The following VPS13D variants were observed in gnomAD, a reference collection of about 807,000 sequenced individuals.
The protein encoded by VPS13D is intermembrane lipid transfer protein VPS13D.
Under a neutral mutation model 461.9 loss-of-function variants are expected in VPS13D, and 187 were observed. The ratio of observed to expected loss-of-function variants is 0.40; its 90% CI spans 0.36 to 0.46. The LOEUF (loss-of-function observed/expected upper bound fraction) is 0.46, where lower values mean the gene tolerates loss of function less well. VPS13D is among the 20% of genes least tolerant of loss of function. The pLI, the probability that VPS13D is intolerant of heterozygous loss-of-function variation, is 0.60. For missense variants in VPS13D, 4,711 were observed against 5,364.9 expected, an observed-to-expected ratio of 0.88 and a Z score of 3.81; for synonymous variants, 1,951 against 1,986.3, an observed-to-expected ratio of 0.98 and a Z score of 0.47.
chr1:12,272,337 C>G (rs1253474573), intron 17 of VPS13D, among the ~76,000 whole-genome samples: 2 of 151,458 alleles, frequency 1.3e-5, no homozygotes, highest in Non-Finnish European at 2.9e-5. Flanking sequence ...AGAAATGATC[C>G]AAGTAAAATG....
intron 67 of VPS13D, among the ~76,000 whole-genome samples, chr1:12,461,283 A>G (rs938847128): frequency 2.6e-5 from 4 of 152,102 alleles, no homozygotes; most frequent in African/African-American, 4.8e-5. Context: ...TCCACACCCT[A>G]TCACTCCCTC....
chr1:12,283,659 C>T lies in VPS13D; in HGVS notation c.5557C>T (p.His1853Tyr), dbSNP rs764608060. The T allele has an allele frequency of 5.0e-6, 8 of 1,614,186 alleles. No homozygotes were observed. The South Asian group carries it at 5.5e-5, about 11-fold the overall frequency. The change falls in exon 21 of 70, where the codon CAC becomes TAC. Residue 1853 changes from histidine to tyrosine, a missense_variant. His to Tyr is a moderately conservative substitution (Grantham distance 83, BLOSUM62 2). Around this residue, in one of 3 missense-constraint regions of VPS13D, gnomAD observed 4,411 missense variants for 4,937.8 expected, o/e 0.89. Coordinates refer to ENST00000620676, the MANE Select transcript of VPS13D (RefSeq NM_015378.4). ...AMRLPPEGIL[H>Y]NVKLEPHASM... ...GAGGCTGCCTCCTGAGGGCATTCTGCACAACGTGAAGTTGGAGCCACATGC... is the reference window on the plus strand; with the variant it reads ...GAGGCTGCCTCCTGAGGGCATTCTGTACAACGTGAAGTTGGAGCCACATGC...
chr1:12,377,133 C>T (rs1443478389), intron 55 of VPS13D, among the ~76,000 whole-genome samples: 1 of 151,204 alleles, frequency 6.6e-6, no homozygotes, highest in Admixed American at 6.6e-5. Context: ...AATCTTGGCT[C>T]ACTGCAACCT....
intron 45 of VPS13D, 36 bp downstream of exon 45, chr1:12,349,009 A>T (rs891187912): frequency 6.2e-7 from 1 of 1,613,192 alleles, no homozygotes; most frequent in Admixed American, 1.7e-5. Context: ...GTAAATGCTG[A>T]TAAATACTTC....
At position 12,311,553 on chromosome 1, in the gene VPS13D, A is replaced by C. The variant is rs762566686; in HGVS notation, c.6750A>C (p.Leu2250Phe). 2 of 1,614,074 alleles carry C rather than the reference A, an allele frequency of 1.2e-6. No individual in the cohort carries two copies. Among genetic ancestry groups the C allele is most frequent in the African/African-American group, 2.7e-5 (2 of 74,930 alleles). ...DLYKYKLIRG[L>F]LENNLGEPIE... ...ATAAATACAAGCTGATCCGCGGCTT[A>C]TTAGAGAACAACCTGGGAGAACCCA... Residue 2250 changes from leucine (L) to phenylalanine (F), a missense_variant, in exon 28 of 70, where the codon TTA becomes TTC. By Grantham distance (22) the Leu-to-Phe change is conservative. Coordinates refer to ENST00000620676, the MANE Select transcript of VPS13D (RefSeq NM_015378.4).
intron 5 of VPS13D, among the ~76,000 whole-genome samples, chr1:12,248,709 TA>T (rs1640637787): frequency 6.6e-6 from 1 of 152,206 alleles, no homozygotes; most frequent in Non-Finnish European, 1.5e-5. Flanking sequence ...AGGGAGGGGC[TA>T]GGGGAAATAC....
At chr1:12,420,220 G>A (rs184584689) in intron 65 of VPS13D, among the ~76,000 whole-genome samples, 56 of 152,328 alleles carry the variant, frequency 3.7e-4, no homozygotes, top group Non-Finnish European at 1.0e-4. Flanking sequence ...GATTCTGCAC[G>A]TATGTGGTTG....
chr1:12,393,796 G>T (rs1644460063), intron 60 of VPS13D, among the ~76,000 whole-genome samples: 1 of 152,148 alleles, frequency 6.6e-6, no homozygotes, highest in Admixed American at 6.5e-5. Context: ...TGGGGGTTCT[G>T]CCAGCTGTTA....
intron 21 of VPS13D, among the ~76,000 whole-genome samples, chr1:12,287,265 CAA>C (rs1642001335): frequency 6.6e-6 from 1 of 152,222 alleles, no homozygotes; most frequent in South Asian, 2.1e-4. Flanking sequence ...GTTCCCCCCA[CAA>C]AGTCATTGCT....
intron 60 of VPS13D, among the ~76,000 whole-genome samples, chr1:12,390,965 T>A (rs768626921): frequency 6.6e-6 from 1 of 152,212 alleles, no homozygotes; most frequent in Non-Finnish European, 1.5e-5. Context: ...CACCCATTGG[T>A]GAGCACTCAC....
At chr1:12,240,595 CAAAAA>C (rs781165302) in intron 2 of VPS13D, among the ~76,000 whole-genome samples, 4 of 43,060 alleles carry the variant, frequency 9.3e-5, no homozygotes, top group South Asian at 1.8e-3. Context: ...GATTCCATCT[CAAAAA>C]AAAAAAAAAA....
intron 2 of VPS13D, among the ~76,000 whole-genome samples, chr1:12,235,640 C>T (rs571196838): frequency 1.3e-4 from 20 of 152,120 alleles, no homozygotes; most frequent in African/African-American, 3.1e-4. Flanking sequence ...ATTGTGGCAG[C>T]GCTAGGCCAT....
Position 12,275,941 on chromosome 1 carries a change from A to T in VPS13D, c.2353A>T (p.Ser785Cys), listed in dbSNP as rs1255582140. The T allele has an allele frequency of 3.1e-6, 5 of 1,614,064 alleles. No homozygotes were observed. The highest frequency in any genetic ancestry group is 3.4e-6 in the Non-Finnish European group (4 of 1,180,016). Reference sequence around the variant, plus strand: ...TAACACCCCACCTCCCGAGTCAAGCAGCAGCAACGGAGAGAAAACACCTCC... The same window carrying T: ...TAACACCCCACCTCCCGAGTCAAGCTGCAGCAACGGAGAGAAAACACCTCC... ...PPNTPPPESS[S>C]SNGEKTPPFS... Residue 785 changes from serine to cysteine, a missense_variant, in exon 19 of 70, where the codon AGC becomes TGC. Ser to Cys is a moderately radical substitution (Grantham distance 112). Coordinates refer to ENST00000620676, the MANE Select transcript of VPS13D (RefSeq NM_015378.4).
chr1:12,259,227 G>A (rs1641022879), intron 10 of VPS13D, among the ~76,000 whole-genome samples: 2 of 151,530 alleles, frequency 1.3e-5, no homozygotes, highest in Non-Finnish European at 2.9e-5. Flanking sequence ...TTATGGAGAT[G>A]AGTTTCATCC....
intron 65 of VPS13D, among the ~76,000 whole-genome samples, chr1:12,450,358 A>G (rs1645247067): frequency 6.6e-6 from 1 of 152,192 alleles, no homozygotes; most frequent in African/African-American, 2.4e-5. Context: ...TTATGAGTTC[A>G]GACATAGCTT....
chr1:12,298,992 G>A (rs1221637074), intron 24 of VPS13D, among the ~76,000 whole-genome samples: 1 of 152,110 alleles, frequency 6.6e-6, no homozygotes, highest in Non-Finnish European at 1.5e-5. Flanking sequence ...GGGTTATTTA[G>A]AAGTGTGTAG....
chr1:12,235,870 C>T lies in VPS13D; in HGVS notation c.97+1507C>T, dbSNP rs186729104. 2.2e-3 allele frequency among the ~76,000 whole-genome samples: 335 copies of T among 152,270 alleles called. 2 individuals carry two copies. The highest frequency in any genetic ancestry group is 3.5e-3 in the Non-Finnish European group (238 of 68,028). ...CTGTGAAGCTAACTACGTTGTATGA[C>T]GTATAGATAACAGGGCCTAGAAAGA... On this transcript the variant is annotated intron_variant, in intron 2 of 69. Transcript: ENST00000620676.
intron 40 of VPS13D, among the ~76,000 whole-genome samples, chr1:12,341,044 C>G (rs1643557620): frequency 6.6e-6 from 1 of 152,188 alleles, no homozygotes; most frequent in Non-Finnish European, 1.5e-5. Flanking sequence ...AGTCAGGTCA[C>G]CGCTCTTTAG....
chr1:12,400,962 G>GCGCACACA lies in VPS13D; in HGVS notation c.11784+633_11784+634insGCACACAC, dbSNP rs1253464149. The stretch of plus-strand genomic sequence containing the variant: ...GAGTGAGATGTGCACCTGCGCGCGC[G>GCGCACACA]CACACACACACACACACACACACAC... On this transcript the variant is annotated intron_variant, in intron 61 of 69. Transcript: ENST00000620676. 2.3e-3 allele frequency among the ~76,000 whole-genome samples: 243 copies of GCGCACACA among 106,290 alleles called. 1 individual carries two copies. Among genetic ancestry groups the GCGCACACA allele is most frequent in the African/African-American group, 6.7e-3 (198 of 29,774 alleles). 69.7% of individuals were successfully genotyped at this position (106,290 alleles called of 152,430 possible).
Sources: allele counts gnomAD v4.1 joint callset (sites outside exome capture counted in the v4.1 genomes callset), GRCh38; gene constraint gnomAD v4.1.1; regional missense constraint gnomAD v4.1.1; transcripts MANE v1.5; gene names NCBI Gene and HGNC (gene_info 2026-07-23, HGNC 2026-07-21).